The following SUMF1 variants were observed in gnomAD, a reference collection of about 807,000 sequenced individuals.
The protein encoded by SUMF1 is formylglycine-generating enzyme.
A neutral mutation model predicts 47.6 loss-of-function variants in SUMF1; 48 were observed. The observed-to-expected ratio is 1.01, with a 90% CI of 0.80 to 1.28. SUMF1 has a LOEUF of 1.28. Among genes scored for constraint, SUMF1 ranks in the 50% most tolerant of loss-of-function variants. The pLI, the probability that SUMF1 is intolerant of heterozygous loss-of-function variation, is 0.00. For synonymous variants in SUMF1, 230 were observed against 192.1 expected, an observed-to-expected ratio of 1.20 and a Z score of -1.63; for missense variants, 571 against 485.4, an observed-to-expected ratio of 1.18 and a Z score of -1.66.
intron 8 of SUMF1, among the ~76,000 whole-genome samples, chr3:4,235,506 A>G (rs1178510982): frequency 6.6e-6 from 1 of 152,136 alleles, no homozygotes; most frequent in African/African-American, 2.4e-5. Context: ...AGGATAACCA[A>G]TTAGTAAATG....
intron 8 of SUMF1, among the ~76,000 whole-genome samples, chr3:4,176,237 C>T (rs1574952257): frequency 6.6e-6 from 1 of 152,106 alleles, no homozygotes; most frequent in East Asian, 1.9e-4. Context: ...ACATAATCAT[C>T]AGATTCACCA....
chr3:4,271,466 T>TAG (rs1697300103), intron 8 of SUMF1, among the ~76,000 whole-genome samples: 3 of 108,484 alleles, frequency 2.8e-5, no homozygotes, highest in South Asian at 5.2e-4. Flanking sequence ...TTATACTATC[T>TAG]ATAGATAGAT....
intron 2 of SUMF1, 141 bp downstream of exon 2, chr3:4,452,735 T>C: frequency 1.9e-6 from 2 of 1,063,656 alleles, no homozygotes; most frequent in Admixed American, 1.9e-5. Flanking sequence ...GAAATTAAGA[T>C]GAAATATATA....
intron 9 of SUMF1, among the ~76,000 whole-genome samples, chr3:4,046,173 T>C (rs961112155): frequency 5.3e-5 from 8 of 152,144 alleles, no homozygotes; most frequent in African/African-American, 1.9e-4. Context: ...CTTACCTAAA[T>C]GTGGGCTGGC....
At chr3:4,232,592 T>G (rs1008951947) in intron 8 of SUMF1, among the ~76,000 whole-genome samples, 31 of 151,682 alleles carry the variant, frequency 2.0e-4, no homozygotes, top group Admixed American at 7.2e-4. Flanking sequence ...TATGCTTGCT[T>G]GCCGCCAAAA....
intron 6 of SUMF1, among the ~76,000 whole-genome samples, chr3:4,414,410 T>C (rs569862346): frequency 3.3e-5 from 5 of 152,100 alleles, no homozygotes; most frequent in Non-Finnish European, 5.9e-5. Flanking sequence ...TCCATCTCAT[T>C]ATCAAAGTTA....
chr3:4,303,946 C>A, intron 8 of SUMF1: 3 of 1,037,574 alleles, frequency 2.9e-6, no homozygotes, highest in Non-Finnish European at 3.8e-6. Flanking sequence ...TCAGCCTTAG[C>A]TGTGGTCTCC....
intron 8 of SUMF1, among the ~76,000 whole-genome samples, chr3:4,255,486 T>A (rs1042743763): frequency 2.2e-5 from 2 of 91,286 alleles, no homozygotes; most frequent in African/African-American, 4.6e-5. Context: ...TAAAACAGAC[T>A]TTAAACCAAC....
chr3:4,315,077 C>T (rs1472181875), intron 8 of SUMF1, among the ~76,000 whole-genome samples: 1 of 152,046 alleles, frequency 6.6e-6, no homozygotes, highest in Non-Finnish European at 1.5e-5. Flanking sequence ...TGGAATGGTT[C>T]CCTGTGAACA....
chr3:4,420,977 G>A (rs926025984), intron 3 of SUMF1, among the ~76,000 whole-genome samples: 1 of 152,162 alleles, frequency 6.6e-6, no homozygotes, highest in African/African-American at 2.4e-5. Flanking sequence ...GTCCTTGTCT[G>A]TGAAATGGGA....
intron 8 of SUMF1, among the ~76,000 whole-genome samples, chr3:4,297,217 A>G (rs1697870798): frequency 7.9e-6 from 1 of 126,650 alleles, no homozygotes. Flanking sequence ...CTGTGAGCCC[A>G]CCCCGTTAGA....
intron 8 of SUMF1, among the ~76,000 whole-genome samples, chr3:4,242,449 C>A (rs1457617813): frequency 1.3e-5 from 2 of 152,162 alleles, no homozygotes; most frequent in African/African-American, 4.8e-5. Context: ...TACGTTCCAT[C>A]AACACCTAGT....
intron 8 of SUMF1, among the ~76,000 whole-genome samples, chr3:4,099,974 A>G (rs1692995568): frequency 6.6e-6 from 1 of 151,868 alleles, no homozygotes; most frequent in Non-Finnish European, 1.5e-5. Flanking sequence ...ATGGAAAGAT[A>G]TCCCATGTTC....
rs549730396 is a variant in SUMF1 at position 4,249,118 on chromosome 3, T to C, written c.1014+127212A>G. Among the ~76,000 whole-genome samples, 353 of 152,328 alleles carry C rather than the reference T, an allele frequency of 2.3e-3. 1 individual carries two copies. In the Middle Eastern group the frequency reaches 0.024, roughly 10 times the overall value. On this transcript the variant is annotated intron_variant and NMD_transcript_variant, in intron 8 of 12. Coordinates refer to the SUMF1 transcript ENST00000448413. ...ACTCAGAAGGTATCTTCTTAATGCA[T>C]TGGCTTCAAAATCAGTAGAGAAAAT...
At chr3:4,061,758 A>G (rs795721) in intron 9 of SUMF1, among the ~76,000 whole-genome samples, 148,891 of 152,196 alleles carry the variant, frequency 0.98, 72,896 homozygotes, top group Middle Eastern at 1. Context: ...TGAACAGTTG[A>G]CAGCCTGTGA....
intron 8 of SUMF1, among the ~76,000 whole-genome samples, chr3:4,139,081 A>C (rs1430202208): frequency 6.6e-6 from 1 of 152,146 alleles, no homozygotes; most frequent in East Asian, 1.9e-4. Flanking sequence ...TTATTTTCCT[A>C]ATAACAAAAC....
intron 8 of SUMF1, among the ~76,000 whole-genome samples, chr3:4,221,587 A>T (rs183357265): frequency 1.2e-4 from 18 of 152,072 alleles, no homozygotes; most frequent in Non-Finnish European, 2.6e-4. Context: ...TTCAAGATCC[A>T]TTACAATGTG....
At chr3:4,037,043 T>C (rs533505096) in intron 9 of SUMF1, among the ~76,000 whole-genome samples, 21 of 152,076 alleles carry the variant, frequency 1.4e-4, no homozygotes, top group African/African-American at 5.1e-4. Flanking sequence ...GAAAGGTGTA[T>C]CACCACAGGA....
chr3:4,084,044 T>C (rs1301663949), intron 8 of SUMF1, among the ~76,000 whole-genome samples: 1 of 152,044 alleles, frequency 6.6e-6, no homozygotes, highest in East Asian at 1.9e-4. Context: ...GAAAGAAAAA[T>C]GGGTTCATGG....
Sources: allele counts gnomAD v4.1 joint callset (sites outside exome capture counted in the v4.1 genomes callset), GRCh38; gene constraint gnomAD v4.1.1; transcripts MANE v1.5; gene names NCBI Gene and HGNC (gene_info 2026-07-23, HGNC 2026-07-21).